Variants in EMB observed in about 807,000 individuals in gnomAD.
EMB encodes the protein embigin.
EMB carries 31 observed loss-of-function variants against 41.4 expected under a neutral mutation model. The ratio of observed to expected loss-of-function variants is 0.75; its 90% confidence interval spans 0.56 to 1.01. The LOEUF (loss-of-function observed/expected upper bound fraction) is 1.01, where lower values mean the gene tolerates loss of function less well. EMB is among the 50% of genes least tolerant of loss of function. The pLI is 0.00. For missense variants in EMB, 379 were observed against 388.3 expected (o/e 0.98, Z 0.20); for synonymous variants, 137 against 140.4 (o/e 0.98, Z 0.17).
At chr5:50,429,969 TCTCTC>T (rs1745687529) in intron 1 of EMB, among the ~76,000 whole-genome samples, 2 of 126,732 alleles carry the variant, frequency 1.6e-5, no homozygotes, top group African/African-American at 5.7e-5. Context: ...CAACTCTCTT[TCTCTC>T]TCTCTCTCTC....
chr5:50,422,070 G>A (rs1183210211), intron 2 of EMB, among the ~76,000 whole-genome samples: 1 of 151,918 alleles, frequency 6.6e-6, no homozygotes, highest in Non-Finnish European at 1.5e-5. Context: ...GCATGTGAAA[G>A]AAAGTCCAAG....
chr5:50,442,100 A>G (rs1745925198), upstream of EMB, among the ~76,000 whole-genome samples: 1 of 152,174 alleles, frequency 6.6e-6, no homozygotes, highest in Non-Finnish European at 1.5e-5. Context: ...AGGATGTTAT[A>G]ACGCATTAAA....
chr5:50,438,141 C>T (rs1745835862), intron 1 of EMB, among the ~76,000 whole-genome samples: 1 of 152,138 alleles, frequency 6.6e-6, no homozygotes. Context: ...TGTGTTTAAG[C>T]ACTGTGTTTA....
rs767537284 is a variant in EMB, at chr5:50,396,501, G to T, written c.*2772C>A. The T allele has an allele frequency of 2.0e-5, 3 of 152,078 alleles. No homozygotes were observed. Among genetic ancestry groups the T allele is most frequent in the Non-Finnish European group, 4.4e-5 (3 of 68,010 alleles). 9.4% of individuals were successfully genotyped at this position (152,078 alleles called of 1,614,324 possible). ...GGTACATGCTCTACCAGGTATGGGG[G>T]CTTCTCTAAGACACAAGATCAGATT... On this transcript the variant is annotated 3_prime_UTR_variant, in exon 9 of 9. Transcript: ENST00000303221.
intron 2 of EMB, among the ~76,000 whole-genome samples, chr5:50,419,764 G>T (rs1178510724): frequency 6.6e-6 from 1 of 152,096 alleles, no homozygotes; most frequent in African/African-American, 2.4e-5. Flanking sequence ...CGACAGCAAA[G>T]ACATAGAATT....
At chr5:50,414,326 A>C (rs1745393236) in intron 2 of EMB, among the ~76,000 whole-genome samples, 1 of 151,918 alleles carries the variant, frequency 6.6e-6, no homozygotes, top group Admixed American at 6.6e-5. Flanking sequence ...GGCATTCCAG[A>C]CCAGCCTGGC....
At chr5:50,432,694 C>A (rs1233973753) in intron 1 of EMB, among the ~76,000 whole-genome samples, 2 of 146,184 alleles carry the variant, frequency 1.4e-5, no homozygotes. Context: ...TAAGGCATCT[C>A]TGAGTCCTGG....
chr5:50,411,416 T>C (rs374287205), intron 2 of EMB, 33 bp from the exon 3 acceptor site: 35 of 1,479,238 alleles, frequency 2.4e-5, no homozygotes, highest in Non-Finnish European at 3.1e-5. Flanking sequence ...AATGTGAAAG[T>C]TATATTCAGA....
intron 1 of EMB, among the ~76,000 whole-genome samples, chr5:50,430,647 T>C (rs1419005965): frequency 2.6e-5 from 4 of 152,114 alleles, no homozygotes; most frequent in Non-Finnish European, 4.4e-5. Context: ...CATTAATGCA[T>C]AGTATATAAC....
intron 1 of EMB, among the ~76,000 whole-genome samples, chr5:50,436,747 G>A (rs1304633277): frequency 1.3e-5 from 2 of 152,064 alleles, no homozygotes; most frequent in Non-Finnish European, 2.9e-5. Context: ...TCCTGATCTG[G>A]TCCCCTTGGG....
intron 2 of EMB, among the ~76,000 whole-genome samples, chr5:50,425,080 C>T (rs1440270966): frequency 6.6e-6 from 1 of 152,150 alleles, no homozygotes; most frequent in Non-Finnish European, 1.5e-5. Flanking sequence ...TGGAGTCATG[C>T]TAGAATCTTT....
chr5:50,422,378 G>A (rs1299925674), intron 2 of EMB, among the ~76,000 whole-genome samples: 2 of 152,160 alleles, frequency 1.3e-5, no homozygotes, highest in South Asian at 4.1e-4. Flanking sequence ...TGCAGTTGGT[G>A]CATCAGGTTG....
At chr5:50,440,679 A>C (rs1185444344) in intron 1 of EMB, among the ~76,000 whole-genome samples, 1 of 151,948 alleles carries the variant, frequency 6.6e-6, no homozygotes, top group Non-Finnish European at 1.5e-5. Context: ...TTCATGCCAT[A>C]TTTGCCCAAG....
intron 1 of EMB, among the ~76,000 whole-genome samples, chr5:50,438,584 G>A (rs191107770): frequency 6.6e-6 from 1 of 152,270 alleles, no homozygotes; most frequent in African/African-American, 2.4e-5. Context: ...CAGACAACCT[G>A]TGTCTAAGTA....
At chr5:50,436,552 G>T (rs1745806296) in intron 1 of EMB, among the ~76,000 whole-genome samples, 1 of 152,138 alleles carries the variant, frequency 6.6e-6, no homozygotes, top group South Asian at 2.1e-4. Context: ...TCCACATCTT[G>T]TTTGGGATCA....
Position 50,406,624 on chromosome 5 carries a change from T to C in EMB, c.473-772A>G, listed in dbSNP as rs566542264. ...ACATGGTGCAATCAGTTCCTTCTGA[T>C]TGACCTTTAAAGATGTATTATAGAA... On this transcript the variant is annotated intron_variant, in intron 4 of 8. Transcript: ENST00000303221. Among the ~76,000 whole-genome samples the C allele has an allele frequency of 1.2e-4, 18 of 152,090 alleles. No homozygotes were observed. In the South Asian group the frequency reaches 2.1e-3, roughly 18 times the overall value.
intron 1 of EMB, among the ~76,000 whole-genome samples, chr5:50,435,797 G>A (rs1303060528): frequency 6.6e-6 from 1 of 151,916 alleles, no homozygotes; most frequent in African/African-American, 2.4e-5. Context: ...TGCTTCAGTT[G>A]GTACTCATGA....
intron 2 of EMB, among the ~76,000 whole-genome samples, chr5:50,422,666 G>A (rs1303750063): frequency 6.6e-6 from 1 of 152,108 alleles, no homozygotes; most frequent in African/African-American, 2.4e-5. Context: ...CAAATAATAG[G>A]AGGAAATATA....
At chr5:50,440,977 C>T in intron 1 of EMB, 63 bp downstream of exon 1, 6 of 1,187,398 alleles carry the variant, frequency 5.1e-6, no homozygotes. Context: ...GCCCTCTGCC[C>T]GCGGGGACCC....
Sources: gnomAD v4.1 joint callset for allele counts (sites outside exome capture counted in the v4.1 genomes callset) on GRCh38, gnomAD v4.1.1 for gene constraint, MANE v1.5 for transcripts, NCBI Gene and HGNC (gene_info 2026-07-23, HGNC 2026-07-21) for gene names.